Variants in RGS6 observed in about 807,000 individuals in gnomAD.
RGS6 encodes regulator of G-protein signaling 6.
In RGS6, 30 loss-of-function variants were observed where a neutral mutation model predicts 78.5. The ratio of observed to expected loss-of-function variants is 0.38; its 90% CI spans 0.29 to 0.52. The LOEUF (loss-of-function observed/expected upper bound fraction) is 0.52. Ranked by LOEUF, RGS6 falls within the 20% of genes least tolerant of loss-of-function variation. RGS6 has a pLI of 0.85. For missense variants in RGS6, 495 were observed against 609.7 expected (o/e 0.81, Z 1.98); for synonymous variants, 206 against 206.0 (o/e 1.00, Z 0.00).
intron 2 of RGS6, among the ~76,000 whole-genome samples, chr14:71,987,491 G>A (rs945009944): frequency 3.3e-5 from 5 of 152,042 alleles, no homozygotes; most frequent in African/African-American, 9.7e-5. Flanking sequence ...ATCCAGTGTG[G>A]CTTCCTTATA....
chr14:72,001,066 A>G (rs924277176), intron 2 of RGS6, among the ~76,000 whole-genome samples: 31 of 152,256 alleles, frequency 2.0e-4, no homozygotes, highest in Middle Eastern at 3.4e-3. Context: ...GTTTTTGGTC[A>G]GTTGTTTGTG....
At chr14:71,913,908 G>T in the RGS6 span, among the ~76,000 whole-genome samples, 1 of 152,164 alleles carries the variant, frequency 6.6e-6, no homozygotes, top group Non-Finnish European at 1.5e-5. Flanking sequence ...TAATTAAAGT[G>T]GATTATCTAA....
At chr14:72,536,343 G>T in intron 16 of RGS6, 68 bp downstream of exon 16, 2 of 1,127,182 alleles carry the variant, frequency 1.8e-6, no homozygotes, top group South Asian at 1.2e-5. Context: ...CTGCTGGTTT[G>T]AAATGAGAAT....
intron 3 of RGS6, among the ~76,000 whole-genome samples, chr14:72,406,014 T>G (rs998573458): frequency 6.6e-6 from 1 of 152,062 alleles, no homozygotes; most frequent in African/African-American, 2.4e-5. Flanking sequence ...CTGTAGACAA[T>G]AAATGGGAGA....
At chr14:72,540,179 G>C in intron 17 of RGS6, 85 bp downstream of exon 17, 1 of 1,483,696 alleles carries the variant, frequency 6.7e-7, no homozygotes, top group Non-Finnish European at 9.0e-7. Flanking sequence ...TTTCCCTTTG[G>C]TTGTTGTTTC....
rs150914094 is a variant in RGS6 at position 72,264,062 on chromosome 14, A to T, written c.85-88033A>T. Among the ~76,000 whole-genome samples, 284 of 152,316 alleles carry T rather than the reference A, an allele frequency of 1.9e-3. 1 individual carries two copies. The highest frequency in any genetic ancestry group is 0.014 in the Middle Eastern group (4 of 292). On this transcript the variant is annotated intron_variant, in intron 2 of 17. Transcript: ENST00000553525. ...CATTTCTGCAGAGAAACACGTGAAC[A>T]TTCATACTACGTAGGATAAAGAAAA...
At chr14:72,167,915 A>C (rs190473016) in intron 2 of RGS6, among the ~76,000 whole-genome samples, 1 of 152,254 alleles carries the variant, frequency 6.6e-6, no homozygotes, top group East Asian at 1.9e-4. Flanking sequence ...GCACCTGCCT[A>C]GAAGTCCTTG....
intron 3 of RGS6, among the ~76,000 whole-genome samples, chr14:72,379,308 A>G (rs1159938850): frequency 6.6e-6 from 1 of 152,156 alleles, no homozygotes; most frequent in East Asian, 1.9e-4. Flanking sequence ...TTCTTATTCA[A>G]CATAGTAATG....
chr14:72,593,963 T>C, the RGS6 span, among the ~76,000 whole-genome samples: 1 of 10,120 alleles, frequency 9.9e-5, no homozygotes, highest in Admixed American at 1.0e-3. Flanking sequence ...GGTGGGGGGG[T>C]GGGGGCGATT....
At chr14:72,487,305 T>C (rs1257637325) in intron 12 of RGS6, among the ~76,000 whole-genome samples, 1 of 152,220 alleles carries the variant, frequency 6.6e-6, no homozygotes, top group Non-Finnish European at 1.5e-5. Flanking sequence ...ATAAATATAG[T>C]AAGAAATACA....
At chr14:72,111,346 A>G (rs1170304945) in intron 2 of RGS6, among the ~76,000 whole-genome samples, 2 of 152,198 alleles carry the variant, frequency 1.3e-5, no homozygotes, top group African/African-American at 4.8e-5. Flanking sequence ...CAGGACAATC[A>G]GAAACAAATT....
intron 2 of RGS6, among the ~76,000 whole-genome samples, chr14:72,292,427 G>C (rs2063767086): frequency 6.6e-6 from 1 of 152,224 alleles, no homozygotes; most frequent in Non-Finnish European, 1.5e-5. Context: ...ACCAAGGCAA[G>C]TGAACGATGG....
chr14:72,144,124 G>T (rs1240346748), intron 2 of RGS6, among the ~76,000 whole-genome samples: 1 of 152,170 alleles, frequency 6.6e-6, no homozygotes, highest in Admixed American at 6.5e-5. Flanking sequence ...TGTCTGGAGA[G>T]CCATCATGCT....
At chr14:72,348,893 G>A (rs529579909) in intron 2 of RGS6, among the ~76,000 whole-genome samples, 59 of 152,320 alleles carry the variant, frequency 3.9e-4, no homozygotes, top group African/African-American at 1.0e-3. Context: ...ATGGCCGGGC[G>A]TGGTGGCTCA....
chr14:72,582,258 C>T, the RGS6 span, among the ~76,000 whole-genome samples: 1 of 152,188 alleles, frequency 6.6e-6, no homozygotes, highest in East Asian at 1.9e-4. Context: ...CAAAGCACAG[C>T]AGGGTCCCCT....
intron 2 of RGS6, among the ~76,000 whole-genome samples, chr14:72,279,323 G>T (rs1283209495): frequency 6.6e-6 from 1 of 152,084 alleles, no homozygotes; most frequent in African/African-American, 2.4e-5. Context: ...GCCCAGAAAT[G>T]GAAGAAGCTG....
In RGS6 at chr14:72,360,658, T is replaced by C. The variant is rs1220433290; in HGVS notation, c.184+8464T>C. On this transcript the variant is annotated intron_variant, in intron 3 of 17. Coordinates refer to ENST00000553525, the MANE Select transcript of RGS6 (RefSeq NM_001204424.2). ...CTCATTGTCTCTATGTTCCTAGTAATCTGGAAACCAAAAATGGTAGAGATT... is the reference window on the plus strand; with the variant it reads ...CTCATTGTCTCTATGTTCCTAGTAACCTGGAAACCAAAAATGGTAGAGATT... 2.0e-5 allele frequency among the ~76,000 whole-genome samples: 3 copies of C among 152,036 alleles called. No individual in the cohort carries two copies. The East Asian group carries it at 5.8e-4, about 29-fold the overall frequency.
chr14:72,380,634 C>T (rs1264719331), intron 3 of RGS6, among the ~76,000 whole-genome samples: 1 of 151,918 alleles, frequency 6.6e-6, no homozygotes, highest in Non-Finnish European at 1.5e-5. Flanking sequence ...ATCATTTTAC[C>T]CCAGTCAGGA....
At chr14:72,580,575 G>A in the RGS6 span, among the ~76,000 whole-genome samples, 1 of 152,320 alleles carries the variant, frequency 6.6e-6, no homozygotes, top group Admixed American at 6.5e-5. Flanking sequence ...AAGGAGAAAG[G>A]AAGGTGACAC....
Sources: gnomAD v4.1 joint callset for allele counts (sites outside exome capture counted in the v4.1 genomes callset) on GRCh38, gnomAD v4.1.1 for gene constraint, MANE v1.5 for transcripts, NCBI Gene and HGNC (gene_info 2026-07-23, HGNC 2026-07-21) for gene names.